SLC27A6: variants seen among roughly 807,000 people sequenced by gnomAD.
SLC27A6 encodes the protein solute carrier family 27 member 6, also known as long-chain fatty acid transport protein 6.
A neutral mutation model predicts 63.9 loss-of-function variants in SLC27A6; 74 were observed. The ratio of observed to expected loss-of-function variants is 1.16; its 90% CI spans 0.96 to 1.40. The LOEUF is 1.40. Among genes scored for constraint, SLC27A6 ranks in the 40% most tolerant of loss-of-function variants. The pLI, the probability that SLC27A6 is intolerant of heterozygous loss-of-function variation, is 0.00. For synonymous variants in SLC27A6, 287 were observed against 260.8 expected (o/e 1.10, Z -0.97); for missense variants, 794 against 732.9 (o/e 1.08, Z -0.96).
chr5:129,002,885 GCAGCCCA>G (rs1751389321), intron 4 of SLC27A6, among the ~76,000 whole-genome samples: 1 of 152,118 alleles, frequency 6.6e-6, no homozygotes, highest in Non-Finnish European at 1.5e-5. Flanking sequence ...GCCTGACCTG[GCAGCCCA>G]CATGGGTTTT....
At chr5:128,974,934 A>G (rs1161164146) in intron 1 of SLC27A6, among the ~76,000 whole-genome samples, 1 of 152,224 alleles carries the variant, frequency 6.6e-6, no homozygotes, top group Non-Finnish European at 1.5e-5. Context: ...TATTATGATT[A>G]TAGAGTAATC....
At chr5:129,003,483 A>T (rs1427966418) in intron 4 of SLC27A6, among the ~76,000 whole-genome samples, 2 of 152,170 alleles carry the variant, frequency 1.3e-5, no homozygotes, top group African/African-American at 4.8e-5. Flanking sequence ...TGCTTGATCA[A>T]TTCAAGCCAC....
chr5:129,028,213 A>T, intron 7 of SLC27A6, 132 bp from the exon 8 acceptor site: 1 of 596,844 alleles, frequency 1.7e-6, no homozygotes, highest in Non-Finnish European at 3.0e-6. Context: ...AATGCCTTTC[A>T]TCTTGAAAAC....
intron 4 of SLC27A6, among the ~76,000 whole-genome samples, chr5:129,013,776 T>C (rs1357853253): frequency 6.6e-6 from 1 of 152,198 alleles, no homozygotes; most frequent in East Asian, 1.9e-4. Context: ...TTCATTTTAT[T>C]ATTCTATAGG....
At chr5:128,990,271 A>G in intron 3 of SLC27A6, 69 bp from the exon 4 acceptor site, 2 of 1,468,600 alleles carry the variant, frequency 1.4e-6, no homozygotes, top group African/African-American at 1.4e-5. Context: ...GAGAAACATC[A>G]TTCATGTTTT....
At chr5:128,966,676 CT>C (rs35605807) in intron 1 of SLC27A6, 58 bp downstream of exon 1, 458 of 1,044,622 alleles carry the variant, frequency 4.4e-4, no homozygotes, top group South Asian at 1.8e-3. Context: ...CTTTCATACC[CT>C]TTTTTTTTTC....
At chr5:129,004,881 G>T (rs1751467139) in intron 4 of SLC27A6, among the ~76,000 whole-genome samples, 1 of 152,154 alleles carries the variant, frequency 6.6e-6, no homozygotes, top group African/African-American at 2.4e-5. Flanking sequence ...TGCTGATCTT[G>T]ATGATTTTTC....
intron 4 of SLC27A6, among the ~76,000 whole-genome samples, chr5:129,007,442 T>TAA (rs569920098): frequency 1.6e-4 from 17 of 104,260 alleles, no homozygotes; most frequent in Non-Finnish European, 2.5e-4. Flanking sequence ...GACTCAGTCT[T>TAA]AAAAAAAAAA....
intron 5 of SLC27A6, 39 bp downstream of exon 5, chr5:129,016,118 T>C (rs745725080): frequency 1.4e-6 from 2 of 1,450,082 alleles, no homozygotes; most frequent in Non-Finnish European, 1.9e-6. Flanking sequence ...AATACATCGG[T>C]GCGGTGGCTC....
chr5:129,005,166 T>C (rs1751479480), intron 4 of SLC27A6, among the ~76,000 whole-genome samples: 1 of 152,178 alleles, frequency 6.6e-6, no homozygotes, highest in Non-Finnish European at 1.5e-5. Flanking sequence ...AAGGCTCACC[T>C]GACCAATATT....
At chr5:128,996,082 T>C (rs1437458031) in intron 4 of SLC27A6, among the ~76,000 whole-genome samples, 2 of 152,184 alleles carry the variant, frequency 1.3e-5, no homozygotes, top group Non-Finnish European at 2.9e-5. Flanking sequence ...ATAAGCTAAA[T>C]AGGCAATTGG....
intron 2 of SLC27A6, among the ~76,000 whole-genome samples, chr5:128,986,847 CTGAAGCTTATGG>C (rs1327642339): frequency 1.3e-5 from 2 of 152,082 alleles, no homozygotes; most frequent in African/African-American, 4.8e-5. Context: ...ACCCAAGAAG[CTGAAGCTTATGG>C]TGAAGCCTTG....
chr5:128,970,247 A>C (rs36188905), intron 1 of SLC27A6, among the ~76,000 whole-genome samples: 1 of 151,938 alleles, frequency 6.6e-6, no homozygotes, highest in East Asian at 1.9e-4. Context: ...TGTCTCTGCC[A>C]GACTTTGGTA....
intron 8 of SLC27A6, among the ~76,000 whole-genome samples, chr5:129,029,071 TGAA>T (rs1752337423): frequency 6.6e-6 from 1 of 152,010 alleles, no homozygotes; most frequent in African/African-American, 2.4e-5. Context: ...CACTGAGTGT[TGAA>T]GAAAGATTCC....
intron 1 of SLC27A6, among the ~76,000 whole-genome samples, chr5:128,969,824 G>T (rs555201732): frequency 2.7e-3 from 404 of 152,266 alleles, no homozygotes; most frequent in Non-Finnish European, 4.9e-3. Flanking sequence ...GTGAGAGAGG[G>T]CATCCCTGTC....
At chr5:129,030,637 G>T (rs992456798) in intron 9 of SLC27A6, among the ~76,000 whole-genome samples, 4 of 151,882 alleles carry the variant, frequency 2.6e-5, no homozygotes, top group Admixed American at 6.6e-5. Context: ...TATGAAAAAA[G>T]AAGTAATATA....
chr5:128,989,024 A>G (rs924972830), intron 3 of SLC27A6, among the ~76,000 whole-genome samples: 1 of 152,146 alleles, frequency 6.6e-6, no homozygotes, highest in Admixed American at 6.6e-5. Context: ...GTAGTCACTC[A>G]CCCTCAAACA....
At chr5:129,029,798 C>A in intron 9 of SLC27A6, 91 bp downstream of exon 9, 1 of 1,170,622 alleles carries the variant, frequency 8.5e-7, no homozygotes, top group Non-Finnish European at 1.2e-6. Flanking sequence ...CTTTAGATAA[C>A]ATGTGAGTTA....
intron 7 of SLC27A6, among the ~76,000 whole-genome samples, chr5:129,027,796 TA>T (rs1480910409): frequency 2.0e-5 from 3 of 152,146 alleles, no homozygotes; most frequent in Non-Finnish European, 4.4e-5. Flanking sequence ...AGTAACTTCC[TA>T]CATCCTTGCC....
Sources: allele counts gnomAD v4.1 joint callset (sites outside exome capture counted in the v4.1 genomes callset), GRCh38; gene constraint gnomAD v4.1.1; transcripts MANE v1.5; gene names NCBI Gene and HGNC (gene_info 2026-07-23, HGNC 2026-07-21).